Variants in PLXDC2 observed in about 807,000 individuals in gnomAD.
PLXDC2 encodes the protein plexin domain containing 2.
Under a neutral mutation model 68.9 loss-of-function variants are expected in PLXDC2, and 40 were observed. That is an observed-to-expected ratio of 0.58 (90% CI 0.45 to 0.76). The LOEUF is 0.76. Ranked by LOEUF, PLXDC2 falls within the 30% of genes least tolerant of loss-of-function variation. PLXDC2 has a pLI of 0.00. For missense variants in PLXDC2, 644 were observed against 661.9 expected (o/e 0.97, Z 0.30); for synonymous variants, 243 against 234.2 (o/e 1.04, Z -0.34).
intron 2 of PLXDC2, among the ~76,000 whole-genome samples, chr10:20,016,114 G>T (rs1318457937): frequency 6.6e-6 from 1 of 152,168 alleles, no homozygotes; most frequent in Non-Finnish European, 1.5e-5. Flanking sequence ...TGAAATGACT[G>T]GACTGTTTCA....
At chr10:20,171,837 C>A (rs1834450340) in intron 7 of PLXDC2, among the ~76,000 whole-genome samples, 1 of 152,070 alleles carries the variant, frequency 6.6e-6, no homozygotes, top group Middle Eastern at 3.4e-3. Flanking sequence ...TAGCTGGGAG[C>A]AGTGGCTCGT....
intron 4 of PLXDC2, among the ~76,000 whole-genome samples, chr10:20,107,420 G>A (rs1343033560): frequency 6.6e-6 from 1 of 152,112 alleles, no homozygotes; most frequent in Admixed American, 6.5e-5. Flanking sequence ...CTGAAAGAAG[G>A]CATATGCATT....
intron 1 of PLXDC2, among the ~76,000 whole-genome samples, chr10:19,947,077 T>G (rs1450748391): frequency 6.6e-6 from 1 of 152,004 alleles, no homozygotes; most frequent in Admixed American, 6.6e-5. Flanking sequence ...ATTTGAAGAT[T>G]CTAGACAGCT....
At chr10:19,888,594 C>G (rs1261173620) in intron 1 of PLXDC2, among the ~76,000 whole-genome samples, 1 of 152,098 alleles carries the variant, frequency 6.6e-6, no homozygotes, top group Admixed American at 6.5e-5. Context: ...CAGGGAAGCT[C>G]ACTTGCAGGC....
chr10:20,095,435 C>T (rs746000409), intron 4 of PLXDC2, among the ~76,000 whole-genome samples: 1 of 151,766 alleles, frequency 6.6e-6, no homozygotes, highest in Non-Finnish European at 1.5e-5. Flanking sequence ...AGAAAGTGAT[C>T]GAGAAAATGT....
At chr10:19,819,336 C>T (rs902898602) in intron 1 of PLXDC2, among the ~76,000 whole-genome samples, 1 of 152,054 alleles carries the variant, frequency 6.6e-6, no homozygotes, top group Admixed American at 6.6e-5. Context: ...GAAGTAGCTT[C>T]TTTCCTGGAC....
At chr10:20,213,067 G>A (rs1263540591) in intron 10 of PLXDC2, among the ~76,000 whole-genome samples, 1 of 152,010 alleles carries the variant, frequency 6.6e-6, no homozygotes, top group East Asian at 1.9e-4. Flanking sequence ...TCAAATGTAT[G>A]AATCTTTTAT....
chr10:20,252,594 G>C (rs1243515788), intron 13 of PLXDC2, among the ~76,000 whole-genome samples: 1 of 152,204 alleles, frequency 6.6e-6, no homozygotes, highest in Non-Finnish European at 1.5e-5. Context: ...TAGCAAGAGG[G>C]AAAGGAGGAG....
chr10:19,923,802 G>A (rs1398920150), intron 1 of PLXDC2, among the ~76,000 whole-genome samples: 1 of 152,206 alleles, frequency 6.6e-6, no homozygotes, highest in African/African-American at 2.4e-5. Context: ...AGTGGCTCAT[G>A]CCTGTAATCC....
At chr10:20,101,725 A>G (rs1833424079) in intron 4 of PLXDC2, among the ~76,000 whole-genome samples, 1 of 152,010 alleles carries the variant, frequency 6.6e-6, no homozygotes. Context: ...TCTCCTGATC[A>G]TCTCCTCCTC....
intron 4 of PLXDC2, among the ~76,000 whole-genome samples, chr10:20,097,745 A>G (rs995586616): frequency 3.3e-5 from 5 of 152,092 alleles, no homozygotes; most frequent in African/African-American, 1.2e-4. Flanking sequence ...ACGGGAAGAT[A>G]TGTTCAAATG....
intron 13 of PLXDC2, among the ~76,000 whole-genome samples, chr10:20,264,704 G>T (rs949001231): frequency 2.0e-5 from 3 of 151,562 alleles, no homozygotes; most frequent in South Asian, 2.1e-4. Context: ...AGAAATAAAA[G>T]GTTTAAAAGT....
At chr10:20,004,914 G>T (rs1201648247) in intron 2 of PLXDC2, among the ~76,000 whole-genome samples, 1 of 152,148 alleles carries the variant, frequency 6.6e-6, no homozygotes, top group East Asian at 1.9e-4. Flanking sequence ...CTGTTTGGTG[G>T]GTACTCACCC....
chr10:20,250,524 C>T (rs552573596), intron 13 of PLXDC2, among the ~76,000 whole-genome samples: 4 of 152,120 alleles, frequency 2.6e-5, no homozygotes, highest in Admixed American at 6.6e-5. Context: ...ATCTCATAGA[C>T]GAGGAGGCTG....
rs1836058885 is a variant in PLXDC2, at chr10:20,279,881, A to G, written c.*62A>G. ...AGGTGTTAAGACTAAAATTTTGCCT[A>G]TACCTTTAAGACAAACAAACAAACA... On this transcript the variant is annotated 3_prime_UTR_variant, in exon 14 of 14. Coordinates refer to ENST00000377252, the MANE Select transcript of PLXDC2 (RefSeq NM_032812.9). The G allele has an allele frequency of 1.5e-6, 2 of 1,366,774 alleles. No individual in the cohort carries two copies. Among genetic ancestry groups the G allele is most frequent in the African/African-American group, 1.4e-5 (1 of 69,648 alleles). 84.7% of individuals were successfully genotyped at this position (1,366,774 alleles called of 1,614,324 possible). A position where few individuals can be genotyped will look rare whatever the true frequency, so the allele number is the denominator to read the frequency against.
intron 4 of PLXDC2, among the ~76,000 whole-genome samples, chr10:20,131,106 G>T (rs555393203): frequency 1.3e-5 from 2 of 151,352 alleles, no homozygotes; most frequent in Admixed American, 6.6e-5. Context: ...AAGCCATGAG[G>T]TCCTGAGCAT....
chr10:19,919,250 T>G (rs1355066885), intron 1 of PLXDC2, among the ~76,000 whole-genome samples: 1 of 152,302 alleles, frequency 6.6e-6, no homozygotes, highest in East Asian at 1.9e-4. Context: ...AAAATAAAAA[T>G]CCATCTTATA....
chr10:19,966,818 TC>T (rs35896186), intron 1 of PLXDC2, among the ~76,000 whole-genome samples: 1 of 141,924 alleles, frequency 7.0e-6, no homozygotes. Flanking sequence ...ATTTTTTTTT[TC>T]CCCCAGCATG....
chr10:19,830,014 C>G (rs1421186487), intron 1 of PLXDC2, among the ~76,000 whole-genome samples: 1 of 152,160 alleles, frequency 6.6e-6, no homozygotes, highest in African/African-American at 2.4e-5. Flanking sequence ...TTGTAACCCA[C>G]AACTTGAATT....
Sources: gnomAD v4.1 joint callset for allele counts (sites outside exome capture counted in the v4.1 genomes callset) on GRCh38, gnomAD v4.1.1 for gene constraint, MANE v1.5 for transcripts, NCBI Gene and HGNC (gene_info 2026-07-23, HGNC 2026-07-21) for gene names.